The following CACNB2 variants were observed in gnomAD, a reference collection of about 807,000 sequenced individuals.
CACNB2 encodes the protein calcium voltage-gated channel auxiliary subunit beta 2, also known as voltage-dependent L-type calcium channel subunit beta-2.
A neutral mutation model predicts 73.3 loss-of-function variants in CACNB2; 42 were observed. The observed-to-expected ratio is 0.57, with a 90% CI of 0.45 to 0.74. The LOEUF is 0.74. Ranked by LOEUF, CACNB2 falls within the 30% of genes least tolerant of loss-of-function variation. The pLI is 0.00. For synonymous variants in CACNB2, 348 were observed against 310.3 expected (o/e 1.12, Z -1.28); for missense variants, 940 against 853.0 (o/e 1.10, Z -1.27).
chr10:18,307,983 C>CATTTTTTTTTTTTTTTTTTTTTTT (rs1356604464), intron 2 of CACNB2, among the ~76,000 whole-genome samples: 3 of 70,266 alleles, frequency 4.3e-5, no homozygotes, highest in African/African-American at 6.0e-5. Flanking sequence ...TATATGCCAA[C>CATTTTTTTTTTTTTTTTTTTTTTT]TTTTTTTTTT....
intron 3 of CACNB2, among the ~76,000 whole-genome samples, chr10:18,494,418 A>G (rs914926046): frequency 6.6e-6 from 1 of 152,118 alleles, no homozygotes; most frequent in East Asian, 1.9e-4. Context: ...TCACAAGGTC[A>G]GGAGATCGAG....
At chr10:18,204,728 G>A (rs778080206) in intron 2 of CACNB2, among the ~76,000 whole-genome samples, 1 of 152,098 alleles carries the variant, frequency 6.6e-6, no homozygotes. Flanking sequence ...TTTGTTTACC[G>A]TTATACATTC....
Position 18,307,983 on chromosome 10 carries a change from C to CATTTTTTTTTTTTTTTTTTTTT in CACNB2, c.214-93941_214-93940insATTTTTTTTTTTTTTTTTTTTT, listed in dbSNP as rs1356604464. 8.5e-5 allele frequency among the ~76,000 whole-genome samples: 6 copies of CATTTTTTTTTTTTTTTTTTTTT among 70,246 alleles called. 1 individual carries two copies. Among genetic ancestry groups the CATTTTTTTTTTTTTTTTTTTTT allele is most frequent in the African/African-American group, 2.4e-4 (4 of 16,764 alleles). 46.1% of individuals were successfully genotyped at this position (70,246 alleles called of 152,430 possible). A position where few individuals can be genotyped will look rare whatever the true frequency, so the allele number is the denominator to read the frequency against. On this transcript the variant is annotated intron_variant, in intron 2 of 13. Transcript: ENST00000324631. ...TTAAGTCTAAAATAATATATGCCAA[C>CATTTTTTTTTTTTTTTTTTTTT]TTTTTTTTTTTTTTTTTTTTTTTTT...
intron 1 of CACNB2, 56 bp downstream of exon 1, chr10:18,140,912 A>T: frequency 6.4e-7 from 1 of 1,552,360 alleles, no homozygotes; most frequent in Non-Finnish European, 8.7e-7. Flanking sequence ...CAGGGCACCG[A>T]CCTCGGGTTC....
intron 2 of CACNB2, among the ~76,000 whole-genome samples, chr10:18,210,342 A>G (rs2035267592): frequency 6.6e-6 from 1 of 152,226 alleles, no homozygotes; most frequent in South Asian, 2.1e-4. Flanking sequence ...TAACAATTTT[A>G]GAGTAGTTAT....
chr10:18,287,504 G>T (rs2038854875), intron 2 of CACNB2, among the ~76,000 whole-genome samples: 1 of 152,052 alleles, frequency 6.6e-6, no homozygotes, highest in South Asian at 2.1e-4. Context: ...ACCAAAAAAT[G>T]GTGTGGTTTA....
intron 12 of CACNB2, 77 bp downstream of exon 12, chr10:18,536,273 TGGG>T (rs150214686): frequency 1.0e-5 from 3 of 294,434 alleles, no homozygotes; most frequent in Admixed American, 5.5e-5. Context: ...TTTTTTTTTT[TGGG>T]GGACAAGGTC....
intron 6 of CACNB2, among the ~76,000 whole-genome samples, chr10:18,510,729 G>A (rs1449514784): frequency 6.6e-6 from 1 of 152,144 alleles, no homozygotes; most frequent in Non-Finnish European, 1.5e-5. Flanking sequence ...ACATCCAACT[G>A]GTTATCTTCA....
At chr10:18,436,316 GC>G (rs1218539109) in intron 3 of CACNB2, among the ~76,000 whole-genome samples, 5 of 152,116 alleles carry the variant, frequency 3.3e-5, no homozygotes, top group African/African-American at 7.2e-5. Flanking sequence ...AGTATACTTT[GC>G]TAACCCAGAA....
intron 1 of CACNB2, among the ~76,000 whole-genome samples, chr10:18,148,716 T>C (rs552958535): frequency 1.1e-4 from 17 of 152,286 alleles, no homozygotes; most frequent in Non-Finnish European, 1.6e-4. Context: ...TACTGGAGGC[T>C]GGACATGGTA....
chr10:18,480,270 A>AG (rs1554827204), intron 3 of CACNB2, among the ~76,000 whole-genome samples: 1 of 122,646 alleles, frequency 8.2e-6, no homozygotes. Context: ...ATTCACTTTT[A>AG]ATTGTTTTTT....
Position 18,516,787 on chromosome 10 carries a change from G to C in CACNB2, c.805-1549G>C, listed in dbSNP as rs540368606. On this transcript the variant is annotated intron_variant, in intron 7 of 13. Transcript: ENST00000324631. ...TTAGAGTGGTGCTTGTGTGGTACGTGTGCTGTCACTGTATTATGTTTGTCT... is the reference window on the plus strand; with the variant it reads ...TTAGAGTGGTGCTTGTGTGGTACGTCTGCTGTCACTGTATTATGTTTGTCT... Among the ~76,000 whole-genome samples, 4 of 151,602 alleles carry C rather than the reference G, an allele frequency of 2.6e-5. No individual in the cohort carries two copies. In the South Asian group the frequency reaches 8.4e-4, roughly 32 times the overall value.
At chr10:18,378,568 G>A (rs1335395756) in intron 2 of CACNB2, among the ~76,000 whole-genome samples, 3 of 152,140 alleles carry the variant, frequency 2.0e-5, no homozygotes. Context: ...GAACAACATA[G>A]TGAGACCCTG....
chr10:18,447,334 T>C (rs1179503293), intron 3 of CACNB2, among the ~76,000 whole-genome samples: 1 of 152,116 alleles, frequency 6.6e-6, no homozygotes, highest in African/African-American at 2.4e-5. Context: ...AGAGCTAAGA[T>C]GAGAGATTTG....
chr10:18,325,972 T>A (rs772953063), intron 2 of CACNB2, among the ~76,000 whole-genome samples: 1 of 152,090 alleles, frequency 6.6e-6, no homozygotes, highest in Non-Finnish European at 1.5e-5. Context: ...CTTGAACTCC[T>A]GGGCTCAAAC....
chr10:18,462,408 C>T (rs1429599316), intron 3 of CACNB2, among the ~76,000 whole-genome samples: 2 of 152,118 alleles, frequency 1.3e-5, no homozygotes, highest in Non-Finnish European at 2.9e-5. Context: ...TGCACATCAC[C>T]ATGCCCAGGT....
intron 3 of CACNB2, among the ~76,000 whole-genome samples, chr10:18,493,003 TG>T (rs905137843): frequency 6.6e-6 from 1 of 152,138 alleles, no homozygotes. Flanking sequence ...TTCAACCAAC[TG>T]TGGATTGAAA....
At chr10:18,141,733 G>A (rs1323617450) in intron 1 of CACNB2, among the ~76,000 whole-genome samples, 1 of 152,230 alleles carries the variant, frequency 6.6e-6, no homozygotes, top group Non-Finnish European at 1.5e-5. Context: ...CCAGGTCTCA[G>A]CGATGAGGAG....
intron 5 of CACNB2, among the ~76,000 whole-genome samples, chr10:18,506,124 C>T (rs2050476586): frequency 6.6e-6 from 1 of 152,160 alleles, no homozygotes; most frequent in Non-Finnish European, 1.5e-5. Flanking sequence ...CCTTAAGGTT[C>T]TGTGCATCGC....
Sources: allele counts gnomAD v4.1 joint callset (sites outside exome capture counted in the v4.1 genomes callset), GRCh38; gene constraint gnomAD v4.1.1; transcripts MANE v1.5; gene names NCBI Gene and HGNC (gene_info 2026-07-23, HGNC 2026-07-21).